Variants in SDK1 observed in about 807,000 individuals in gnomAD.
The protein encoded by SDK1 is protein sidekick-1.
SDK1 carries 157 observed loss-of-function variants against 245.5 expected under a neutral mutation model. That is an observed-to-expected ratio of 0.64 (90% CI 0.56 to 0.73). The LOEUF (loss-of-function observed/expected upper bound fraction) is 0.73, where lower values mean the gene tolerates loss of function less well. SDK1 is among the 30% of genes least tolerant of loss of function. The pLI, the probability that SDK1 is intolerant of heterozygous loss-of-function variation, is 0.00. For missense variants in SDK1, 3,583 were observed against 3,002.3 expected, an observed-to-expected ratio of 1.19 and a Z score of -4.52; for synonymous variants, 1,647 against 1,278.5, an observed-to-expected ratio of 1.29 and a Z score of -6.15.
intron 1 of SDK1, among the ~76,000 whole-genome samples, chr7:3,407,500 T>C (rs1021803733): frequency 3.3e-5 from 5 of 152,148 alleles, no homozygotes; most frequent in Non-Finnish European, 7.4e-5. Flanking sequence ...AGTGAACCAG[T>C]AAAATGAAGG....
chr7:3,997,717 A>C (rs2128143163), intron 14 of SDK1, among the ~76,000 whole-genome samples: 1 of 152,236 alleles, frequency 6.6e-6, no homozygotes, highest in East Asian at 1.9e-4. Context: ...TGGGCCTGGA[A>C]AAGGCACCAC....
At position 3,926,991 on chromosome 7, in the gene SDK1, G is replaced by A. The variant is rs1026263247; in HGVS notation, c.848-23932G>A. Among the ~76,000 whole-genome samples, 4 of 152,276 alleles carry A rather than the reference G, an allele frequency of 2.6e-5. No homozygotes were observed. In the East Asian group the frequency reaches 7.7e-4, roughly 29 times the overall value. ...CCTGAGCACCTTTAGGGCTTAACTT[G>A]GGGGCCCGTCAATGCCTCCACCGCG... On this transcript the variant is annotated intron_variant, in intron 5 of 44. Transcript: ENST00000404826.
intron 5 of SDK1, among the ~76,000 whole-genome samples, chr7:3,920,327 G>T (rs528131923): frequency 6.6e-6 from 1 of 152,186 alleles, no homozygotes; most frequent in African/African-American, 2.4e-5. Context: ...CAGTCTTGCA[G>T]GTGAGATGTC....
At chr7:3,639,693 A>T (rs1037030235) in intron 3 of SDK1, among the ~76,000 whole-genome samples, 3 of 152,204 alleles carry the variant, frequency 2.0e-5, no homozygotes, top group African/African-American at 7.2e-5. Context: ...GAGGAGAAAC[A>T]GGAGAGCGAA....
chr7:4,197,722 G>C (rs1562420541), intron 35 of SDK1, among the ~76,000 whole-genome samples: 1 of 152,162 alleles, frequency 6.6e-6, no homozygotes, highest in East Asian at 1.9e-4. Flanking sequence ...CCTGGGTCTT[G>C]TAAACAGTGT....
In SDK1 at chr7:3,303,777, C is replaced by G. The variant is rs1779344314; in HGVS notation, c.298+1893C>G. 2.6e-5 allele frequency among the ~76,000 whole-genome samples: 4 copies of G among 152,092 alleles called. No homozygotes were observed. In the South Asian group the frequency reaches 8.3e-4, roughly 32 times the overall value. Reference sequence around the variant, plus strand: ...CTTTTTTTATATCGTATTGAAAATTCATATTACAGAGGAGATGTCACCATT... The same window carrying G: ...CTTTTTTTATATCGTATTGAAAATTGATATTACAGAGGAGATGTCACCATT... On this transcript the variant is annotated intron_variant, in intron 1 of 44. Coordinates refer to ENST00000404826, the MANE Select transcript of SDK1 (RefSeq NM_152744.4).
intron 37 of SDK1, among the ~76,000 whole-genome samples, chr7:4,209,107 C>G (rs144228861): frequency 9.8e-5 from 15 of 152,346 alleles, no homozygotes; most frequent in African/African-American, 3.6e-4. Flanking sequence ...ATCAAACTCT[C>G]ATGTGCTGAC....
chr7:3,891,736 G>A (rs753219266), intron 5 of SDK1, among the ~76,000 whole-genome samples: 3 of 152,050 alleles, frequency 2.0e-5, no homozygotes, highest in Admixed American at 6.6e-5. Context: ...TAAAGGTTTC[G>A]GCGCAAGAGC....
intron 4 of SDK1, among the ~76,000 whole-genome samples, chr7:3,682,124 A>G (rs1784118115): frequency 6.6e-6 from 1 of 152,228 alleles, no homozygotes; most frequent in Non-Finnish European, 1.5e-5. Context: ...ATGATGCTAA[A>G]AATTACACAT....
At chr7:3,746,614 A>G (rs1482259984) in intron 4 of SDK1, among the ~76,000 whole-genome samples, 1 of 152,252 alleles carries the variant, frequency 6.6e-6, no homozygotes, top group Non-Finnish European at 1.5e-5. Flanking sequence ...TGCCTCCACC[A>G]GGAGTAGGTT....
At chr7:3,382,380 C>A (rs1765611850) in intron 1 of SDK1, among the ~76,000 whole-genome samples, 1 of 152,134 alleles carries the variant, frequency 6.6e-6, no homozygotes, top group Non-Finnish European at 1.5e-5. Context: ...TATCTGACTC[C>A]AGAGTGGTGG....
At position 3,552,974 on chromosome 7, in the gene SDK1, A is replaced by G. The variant is rs1357433225; in HGVS notation, c.299-66106A>G. 6.6e-5 allele frequency among the ~76,000 whole-genome samples: 10 copies of G among 152,154 alleles called. No homozygotes were observed. In the East Asian group the frequency reaches 1.9e-3, roughly 29 times the overall value. The stretch of plus-strand genomic sequence containing the variant: ...TGTATATTTCTGTTTTTCTTATTAC[A>G]TTTTTTATCATAAAACTAAAACCTA... On this transcript the variant is annotated intron_variant, in intron 1 of 44. Transcript: ENST00000404826.
intron 4 of SDK1, among the ~76,000 whole-genome samples, chr7:3,813,082 T>C (rs1779423967): frequency 6.6e-6 from 1 of 152,192 alleles, no homozygotes; most frequent in African/African-American, 2.4e-5. Flanking sequence ...CCAAAACTAC[T>C]TGAAAGCAAT....
chr7:3,681,926 C>T (rs933277459), intron 4 of SDK1, among the ~76,000 whole-genome samples: 1 of 152,146 alleles, frequency 6.6e-6, no homozygotes, highest in Non-Finnish European at 1.5e-5. Context: ...TATACAGTCC[C>T]TATACTGTAT....
chr7:4,065,164 C>T (rs1779791585), intron 19 of SDK1, among the ~76,000 whole-genome samples: 1 of 152,140 alleles, frequency 6.6e-6, no homozygotes, highest in African/African-American at 2.4e-5. Context: ...AAAACGTCAC[C>T]TGTACCATAG....
intron 1 of SDK1, among the ~76,000 whole-genome samples, chr7:3,418,511 A>C (rs911846020): frequency 6.6e-6 from 1 of 152,190 alleles, no homozygotes; most frequent in Non-Finnish European, 1.5e-5. Flanking sequence ...TTGCTTAAAA[A>C]AAGACAGGTG....
chr7:3,677,537 C>G (rs1037238108), intron 4 of SDK1, among the ~76,000 whole-genome samples: 2 of 152,120 alleles, frequency 1.3e-5, no homozygotes, highest in African/African-American at 4.8e-5. Context: ...TTCACTACCA[C>G]AAGAATGGTA....
chr7:3,315,134 A>G (rs1028460082), intron 1 of SDK1, among the ~76,000 whole-genome samples: 1 of 152,180 alleles, frequency 6.6e-6, no homozygotes, highest in Non-Finnish European at 1.5e-5. Flanking sequence ...ACATGAGAAG[A>G]CTACAATGTT....
rs560327153 is a variant in SDK1, at chr7:3,864,491, A to C, written c.847+42908A>C. 9.8e-5 allele frequency among the ~76,000 whole-genome samples: 15 copies of C among 152,336 alleles called. No individual in the cohort carries two copies. The South Asian group carries it at 1.2e-3, about 13-fold the overall frequency. Reference sequence around the variant, plus strand: ...AGGGTAAAGCAGATAGGAAGTTAAAATATTGTCTTTATAACTAATACACGG... The same window carrying C: ...AGGGTAAAGCAGATAGGAAGTTAAACTATTGTCTTTATAACTAATACACGG... On this transcript the variant is annotated intron_variant, in intron 5 of 44. Transcript: ENST00000404826.
Sources: gnomAD v4.1 joint callset for allele counts (sites outside exome capture counted in the v4.1 genomes callset) on GRCh38, gnomAD v4.1.1 for gene constraint, MANE v1.5 for transcripts, NCBI Gene and HGNC (gene_info 2026-07-23, HGNC 2026-07-21) for gene names.